Variants in POLD2 observed in about 807,000 individuals in gnomAD.
The protein encoded by POLD2 is DNA polymerase delta 2, accessory subunit.
In POLD2, 31 loss-of-function variants were observed where a neutral mutation model predicts 48.8. That is an observed-to-expected ratio of 0.64 (90% CI 0.48 to 0.86). POLD2 has a LOEUF of 0.86. Among genes scored for constraint, POLD2 ranks in the 40% least tolerant of loss-of-function variants. The pLI is 0.00. For missense variants in POLD2, 455 were observed against 610.1 expected, an observed-to-expected ratio of 0.75 and a Z score of 2.68; for synonymous variants, 233 against 256.3, an observed-to-expected ratio of 0.91 and a Z score of 0.87.
rs1483773510 is a variant in POLD2 at position 44,117,618 on chromosome 7, C to T, written c.466+1G>A. 6.2e-7 allele frequency: 1 copy of T among 1,602,058 alleles called. No homozygotes were observed. Among genetic ancestry groups the T allele is most frequent in the South Asian group, 1.1e-5 (1 of 88,732 alleles). ...CCACATCCTCTCATTGGGCTCCCTA[C>T]CCGTAACCAGCTTTGACACGTCAAT... On this transcript the variant is annotated splice_donor_variant, in intron 4 of 10. Transcript: ENST00000610533. LOFTEE classifies it high-confidence loss of function.
rs542315283 is a variant in POLD2, at chr7:44,121,388, G to A, written c.220+446C>T. On this transcript the variant is annotated intron_variant, in intron 2 of 10. Coordinates refer to ENST00000610533, the MANE Select transcript of POLD2 (RefSeq NM_006230.4). This position sits in a 1 kb window ranked among gnomAD's most constrained non-coding sequence, Gnocchi z 4.5. The stretch of plus-strand genomic sequence containing the variant: ...AAATTCATGGCCAGCAAATATGGGG[G>A]CCAGGAGGAGAGGCAAACAGACATG... 1.3e-5 allele frequency among the ~76,000 whole-genome samples: 2 copies of A among 152,286 alleles called. No individual in the cohort carries two copies. Among genetic ancestry groups the A allele is most frequent in the South Asian group, 4.1e-4 (2 of 4,824 alleles).
At chr7:44,122,371 G>T (rs1452184252) in intron 1 of POLD2, 2 of 1,227,956 alleles carry the variant, frequency 1.6e-6, no homozygotes, top group Non-Finnish European at 2.0e-6. Flanking sequence ...CAGGTGTCCT[G>T]TTCCATCTGG....
intron 2 of POLD2, chr7:44,118,365 A>C: frequency 3.9e-6 from 1 of 255,966 alleles, no homozygotes; most frequent in Non-Finnish European, 7.5e-6. Flanking sequence ...TGATGCGGCC[A>C]CAAGCCCAGG....
At position 44,114,786 on chromosome 7, in the gene POLD2, CA is replaced by C; in HGVS notation, c.1408del (p.Ter470AspfsTer7). On this transcript the variant is annotated frameshift_variant and stop_lost, in exon 11 of 11. Transcript: ENST00000610533. LOFTEE classifies it high-confidence loss of function. ...TCTGGTCAAAACCACTTTTTTGAGT[CA>C]GGGGCCCAGCCCCAGGCCTCCCAGG... ...DDLGGLGLGP[*>X] 6.2e-7 allele frequency: 1 copy of C among 1,602,008 alleles called. No individual in the cohort carries two copies. The highest frequency in any genetic ancestry group is 8.5e-7 in the Non-Finnish European group (1 of 1,171,648).
In POLD2 at chr7:44,116,615, C is replaced by T; in HGVS notation, c.781-105G>A. The T allele has an allele frequency of 9.4e-7, 1 of 1,061,828 alleles. No homozygotes were observed. The highest frequency in any genetic ancestry group is 1.4e-6 in the Non-Finnish European group (1 of 713,510). 65.8% of individuals were successfully genotyped at this position (1,061,828 alleles called of 1,614,324 possible). On this transcript the variant is annotated intron_variant, in intron 6 of 10. Transcript: ENST00000610533. This position sits in a 1 kb window ranked among gnomAD's most constrained non-coding sequence, Gnocchi z 6.1. ...ATGCAGTTGTTGTCCCATAGACCCT[C>T]ACTCCCTTCAAGCCTCCCACCATCC... is the stretch of plus-strand genomic sequence containing the variant.
At chr7:44,123,234 G>C in intron 1 of POLD2, 1 of 1,345,618 alleles carries the variant, frequency 7.4e-7, no homozygotes, top group Non-Finnish European at 9.5e-7. Context: ...GGACAGCACT[G>C]GCCTGGGACA....
intron 9 of POLD2, 35 bp downstream of exon 9, chr7:44,115,731 C>T (rs1458003120): frequency 6.2e-7 from 1 of 1,608,276 alleles, no homozygotes; most frequent in Non-Finnish European, 8.5e-7. Context: ...GCCTCCTGGC[C>T]CTCTGCTCCC....
chr7:44,114,911 G>C lies in POLD2; in HGVS notation c.1284C>G (p.Val428=). 1 of 1,613,276 alleles carries C rather than the reference G, an allele frequency of 6.2e-7. No homozygotes were observed. The highest frequency in any genetic ancestry group is 8.5e-7 in the Non-Finnish European group (1 of 1,179,418). Residue 428 remains valine, a synonymous_variant, in exon 11 of 11, where the codon GTC becomes GTG. Coordinates refer to ENST00000610533, the MANE Select transcript of POLD2 (RefSeq NM_006230.4). ...CGGTCTGCGTGGCACTGAAGTCAGGGACAGTCACCAACAGCACTGTCTGGT... is the reference window on the plus strand; with the variant it reads ...CGGTCTGCGTGGCACTGAAGTCAGGCACAGTCACCAACAGCACTGTCTGGT... ...PEDQTVLLVT[V]PDFSATQTAC...
Position 44,115,814 on chromosome 7 carries a change from A to T in POLD2, c.1099T>A (p.Trp367Arg). The T allele has an allele frequency of 6.2e-7, 1 of 1,614,018 alleles. No individual in the cohort carries two copies. The highest frequency in any genetic ancestry group is 8.5e-7 in the Non-Finnish European group (1 of 1,179,938). ...SMEDHLEILE[W>R]TLRVRHISPT... The stretch of plus-strand genomic sequence containing the variant: ...CTGATGTGACGGACCCGCAGGGTCC[A>T]CTCCAGGATCTCCAAGTGATCCTCC... Residue 367 changes from tryptophan (W) to arginine (R), a missense_variant, in exon 9 of 11, where the codon TGG (tryptophan) becomes AGG (arginine). Trp to Arg is a moderately radical substitution (Grantham distance 101, BLOSUM62 -3). Transcript: ENST00000610533.
intron 9 of POLD2, 90 bp downstream of exon 9, chr7:44,115,676 G>C: frequency 7.0e-7 from 1 of 1,426,596 alleles, no homozygotes; most frequent in Non-Finnish European, 9.5e-7. Context: ...ATGCTGGCAA[G>C]TGCAAACCCA....
upstream of POLD2, among the ~76,000 whole-genome samples, chr7:44,124,052 A>G (rs2096252515): frequency 6.6e-6 from 1 of 152,128 alleles, no homozygotes. Flanking sequence ...TCCTGAAGGG[A>G]TGGCGCGGGG....
intron 10 of POLD2, 117 bp downstream of exon 10, chr7:44,115,178 G>A (rs2096236550): frequency 3.7e-6 from 3 of 820,524 alleles, no homozygotes; most frequent in African/African-American, 1.7e-5. Flanking sequence ...GACCTCAGCT[G>A]TCCATCCCAC....
intron 5 of POLD2, 38 bp from the exon 6 acceptor site, chr7:44,117,053 G>C (rs2096241112): frequency 6.2e-7 from 1 of 1,609,846 alleles, no homozygotes; most frequent in Non-Finnish European, 8.5e-7. Flanking sequence ...GTGCCGAGAA[G>C]GGAGGCAGCC....
chr7:44,123,852 G>A (rs193255678), upstream of POLD2, among the ~76,000 whole-genome samples: 269 of 152,324 alleles, frequency 1.8e-3, 2 homozygotes, highest in African/African-American at 5.9e-3. Flanking sequence ...GTCAGGCCCT[G>A]CCCAAACCTC....
chr7:44,122,236 T>G, intron 1 of POLD2, 127 bp from the exon 2 acceptor site: 9 of 1,425,994 alleles, frequency 6.3e-6, no homozygotes, highest in Non-Finnish European at 8.2e-6. Context: ...ACACCAGACA[T>G]TGTGTCCACT....
At chr7:44,119,544 T>C (rs544530601) in intron 2 of POLD2, among the ~76,000 whole-genome samples, 1 of 152,328 alleles carries the variant, frequency 6.6e-6, no homozygotes, top group African/African-American at 2.4e-5. Flanking sequence ...GCCTAAGCAC[T>C]GTACATGTAA....
chr7:44,115,197 G>C, intron 10 of POLD2, 98 bp downstream of exon 10: 1 of 896,918 alleles, frequency 1.1e-6, no homozygotes. Flanking sequence ...ACAAGGGCCA[G>C]GGGGACTCCA....
In POLD2 at chr7:44,122,176, C is replaced by T. The variant is rs918568658; in HGVS notation, c.-56-67G>A. 2.0e-6 allele frequency: 3 copies of T among 1,466,164 alleles called. No homozygotes were observed. In the African/African-American group the frequency reaches 4.2e-5, roughly 21 times the overall value. 90.8% of individuals were successfully genotyped at this position (1,466,164 alleles called of 1,614,324 possible). A position where few individuals can be genotyped will look rare whatever the true frequency, so the allele number is the denominator to read the frequency against. On this transcript the variant is annotated intron_variant, in intron 1 of 10. Transcript: ENST00000610533. Reference sequence around the variant, plus strand: ...CCCAAAGCAGCAGCTCTCCTGGTGTCTCACTGCACCCAAAGGATACTGGGA... The same window carrying T: ...CCCAAAGCAGCAGCTCTCCTGGTGTTTCACTGCACCCAAAGGATACTGGGA...
intron 10 of POLD2, 56 bp downstream of exon 10, chr7:44,115,239 C>A: frequency 8.6e-7 from 1 of 1,160,284 alleles, no homozygotes; most frequent in South Asian, 1.2e-5. Flanking sequence ...TGAACCTTGT[C>A]CCCAGGTGAG....
Sources: gnomAD v4.1 joint callset for allele counts (sites outside exome capture counted in the v4.1 genomes callset) on GRCh38, gnomAD v4.1.1 for gene constraint, Gnocchi (gnomAD v3.1) non-coding constraint, MANE v1.5 for transcripts, NCBI Gene and HGNC (gene_info 2026-07-23, HGNC 2026-07-21) for gene names.